Variants in USH2A observed in about 807,000 individuals in gnomAD.
The protein encoded by USH2A is Usher syndrome 2A (autosomal recessive, mild).
In USH2A, 443 loss-of-function variants were observed where a neutral mutation model predicts 538.9. That is an observed-to-expected ratio of 0.82 (90% confidence interval 0.76 to 0.89). The LOEUF (loss-of-function observed/expected upper bound fraction) is 0.89. Among genes scored for constraint, USH2A ranks in the 40% least tolerant of loss-of-function variants. USH2A has a pLI of 0.00. For synonymous variants in USH2A, 2,413 were observed against 2,273.5 expected (o/e 1.06, Z -1.75); for missense variants, 6,633 against 6,324.8 (o/e 1.05, Z -1.65).
In USH2A at chr1:215,891,895, T is replaced by C. The variant is rs188949686; in HGVS notation, c.7595-2841A>G. ...GTGTAATTGTTTAGAGAACTCCCTC[T>C]TGGAGCTGGGAACAGGAGCATCCTT... On this transcript the variant is annotated intron_variant, in intron 40 of 71. Transcript: ENST00000307340. Among the ~76,000 whole-genome samples the C allele has an allele frequency of 5.8e-4, 88 of 152,292 alleles. 1 individual carries two copies. Among genetic ancestry groups the C allele is most frequent in the South Asian group, 3.7e-3 (18 of 4,822 alleles).
intron 61 of USH2A, among the ~76,000 whole-genome samples, chr1:215,701,128 T>C (rs967565332): frequency 6.6e-6 from 1 of 152,234 alleles, no homozygotes; most frequent in Admixed American, 6.5e-5. Flanking sequence ...TTGAGTGAGT[T>C]TCTTAAGCCT....
At chr1:215,816,932 A>C (rs941103592) in intron 48 of USH2A, 65 bp downstream of exon 48, 9 of 1,511,898 alleles carry the variant, frequency 6.0e-6, no homozygotes, top group Non-Finnish European at 8.3e-6. Flanking sequence ...GTGAGAAGCT[A>C]ATAATTTCAC....
chr1:215,711,989 A>T (rs1659349320), intron 61 of USH2A, among the ~76,000 whole-genome samples: 1 of 152,230 alleles, frequency 6.6e-6, no homozygotes, highest in Non-Finnish European at 1.5e-5. Flanking sequence ...ATTTCTGGAT[A>T]TAATAAGCAT....
intron 12 of USH2A, 86 bp downstream of exon 12, chr1:216,250,816 CT>C: frequency 2.8e-6 from 4 of 1,451,574 alleles, no homozygotes; most frequent in Non-Finnish European, 3.8e-6. Flanking sequence ...AAGAAATTTG[CT>C]TTACTCTTCA....
chr1:216,391,841 C>T (rs2039114477), intron 3 of USH2A, among the ~76,000 whole-genome samples: 1 of 152,208 alleles, frequency 6.6e-6, no homozygotes, highest in South Asian at 2.1e-4. Context: ...AGGTCTTAAT[C>T]CTATATTGAA....
chr1:216,372,759 T>G (rs1272407833), intron 3 of USH2A, among the ~76,000 whole-genome samples: 1 of 152,216 alleles, frequency 6.6e-6, no homozygotes, highest in Non-Finnish European at 1.5e-5. Flanking sequence ...GCTGGTTTTT[T>G]GTAGATACTG....
At chr1:216,362,036 T>A (rs971332431) in intron 4 of USH2A, among the ~76,000 whole-genome samples, 5 of 152,174 alleles carry the variant, frequency 3.3e-5, no homozygotes, top group Non-Finnish European at 5.9e-5. Flanking sequence ...CGACTTTTTT[T>A]AAATGAGAGT....
intron 4 of USH2A, among the ~76,000 whole-genome samples, chr1:216,332,367 C>G (rs1328522063): frequency 6.6e-6 from 1 of 152,096 alleles, no homozygotes; most frequent in African/African-American, 2.4e-5. Context: ...TCAGAAGAAA[C>G]AACAAACAAT....
chr1:216,114,302 A>AAAAAGTTGAT (rs150357356), intron 21 of USH2A, among the ~76,000 whole-genome samples: 3,761 of 151,966 alleles, frequency 0.025, 170 homozygotes, highest in African/African-American at 0.084. Flanking sequence ...TATTTTCTGG[A>AAAAAGTTGAT]AATTTCATCT....
chr1:216,049,446 G>A (rs2030661863), intron 30 of USH2A, among the ~76,000 whole-genome samples: 1 of 152,008 alleles, frequency 6.6e-6, no homozygotes, highest in South Asian at 2.1e-4. Flanking sequence ...AGTTAATCCT[G>A]TGAATTAAAA....
chr1:215,710,749 A>G (rs1026188296), intron 61 of USH2A, among the ~76,000 whole-genome samples: 1 of 152,152 alleles, frequency 6.6e-6, no homozygotes, highest in African/African-American at 2.4e-5. Context: ...CAATTGAGCC[A>G]TTTATTTCAG....
intron 11 of USH2A, among the ~76,000 whole-genome samples, chr1:216,263,805 A>G (rs2036420165): frequency 6.6e-6 from 1 of 152,178 alleles, no homozygotes; most frequent in Non-Finnish European, 1.5e-5. Context: ...ACAGGAATAC[A>G]AATTGGAGAG....
chr1:215,821,728 G>T (rs1317213238), intron 47 of USH2A, among the ~76,000 whole-genome samples: 1 of 151,684 alleles, frequency 6.6e-6, no homozygotes, highest in Non-Finnish European at 1.5e-5. Flanking sequence ...TCTTCTATTG[G>T]TTTTACAGTT....
chr1:216,270,917 G>T (rs2036562030), intron 11 of USH2A, among the ~76,000 whole-genome samples: 1 of 151,918 alleles, frequency 6.6e-6, no homozygotes, highest in Admixed American at 6.6e-5. Flanking sequence ...ACGGTAAGGT[G>T]GTGAGAATGA....
chr1:215,892,775 A>G (rs1432497254), intron 40 of USH2A, among the ~76,000 whole-genome samples: 2 of 152,192 alleles, frequency 1.3e-5, no homozygotes, highest in Admixed American at 6.6e-5. Context: ...ACTCTGATAA[A>G]AAAGGAAATG....
At chr1:215,849,191 A>AGT (rs1663950251) in intron 44 of USH2A, among the ~76,000 whole-genome samples, 1 of 152,176 alleles carries the variant, frequency 6.6e-6, no homozygotes, top group African/African-American at 2.4e-5. Flanking sequence ...CCAAGGCAGA[A>AGT]GTTTTGTGTA....
At chr1:216,148,632 C>G (rs1053668635) in intron 21 of USH2A, among the ~76,000 whole-genome samples, 22 of 150,716 alleles carry the variant, frequency 1.5e-4, no homozygotes, top group East Asian at 5.9e-4. Context: ...CCTTACAATT[C>G]CCCCATTTTA....
At chr1:216,239,233 C>G (rs2035887904) in intron 13 of USH2A, among the ~76,000 whole-genome samples, 1 of 152,168 alleles carries the variant, frequency 6.6e-6, no homozygotes, top group Non-Finnish European at 1.5e-5. Context: ...CAGACTATAT[C>G]TTGTTTTGTT....
At chr1:215,893,549 T>G (rs1390721577) in intron 40 of USH2A, among the ~76,000 whole-genome samples, 9 of 152,178 alleles carry the variant, frequency 5.9e-5, no homozygotes, top group Admixed American at 5.9e-4. Context: ...CTTTTCCTGC[T>G]AAAGTGTCTT....
Sources: gnomAD v4.1 joint callset for allele counts (sites outside exome capture counted in the v4.1 genomes callset) on GRCh38, gnomAD v4.1.1 for gene constraint, MANE v1.5 for transcripts, NCBI Gene and HGNC (gene_info 2026-07-23, HGNC 2026-07-21) for gene names.